Variants in DLGAP2 observed in about 807,000 individuals in gnomAD.
DLGAP2 encodes disks large-associated protein 2.
DLGAP2 carries 26 observed loss-of-function variants against 100.3 expected under a neutral mutation model. That is an observed-to-expected ratio of 0.26 (90% CI 0.19 to 0.36). DLGAP2 has a LOEUF of 0.36. Among genes scored for constraint, DLGAP2 ranks in the 10% least tolerant of loss-of-function variants. The pLI, the probability that DLGAP2 is intolerant of heterozygous loss-of-function variation, is 1.00. For synonymous variants in DLGAP2, 886 were observed against 630.1 expected, an observed-to-expected ratio of 1.41 and a Z score of -6.08; for missense variants, 1,858 against 1,453.2, an observed-to-expected ratio of 1.28 and a Z score of -4.53.
intron 1 of DLGAP2, among the ~76,000 whole-genome samples, chr8:771,630 C>T (rs1301089890): frequency 3.9e-5 from 6 of 152,214 alleles, no homozygotes; most frequent in African/African-American, 1.2e-4. Flanking sequence ...GTAATGGTCA[C>T]GAGAGTGGCA....
At position 1,417,695 on chromosome 8, in the gene DLGAP2, C is replaced by G. The variant is rs1473583212; in HGVS notation, c.107-83671C>G. 8.3e-5 allele frequency among the ~76,000 whole-genome samples: 12 copies of G among 144,596 alleles called. 2 individuals carry two copies. Among genetic ancestry groups the G allele is most frequent in the African/African-American group, 1.1e-4 (4 of 37,456 alleles). The allele number at this position is 144,596 out of a possible 152,430, so 94.9% of individuals were successfully genotyped here. On this transcript the variant is annotated intron_variant, in intron 3 of 14. Coordinates refer to ENST00000637795, the MANE Select transcript of DLGAP2 (RefSeq NM_001346810.2). ...CGAGGCTCCAGGGGGGCACAGGGGG[C>G]CCCACTCCTGCCTCACTCGGCGAGG...
intron 3 of DLGAP2, among the ~76,000 whole-genome samples, chr8:1,382,300 T>G (rs1023046059): frequency 3.9e-5 from 6 of 152,258 alleles, no homozygotes; most frequent in African/African-American, 1.4e-4. Context: ...CGTCTTCACG[T>G]TGAGTGGGCT....
At position 1,583,291 on chromosome 8, in the gene DLGAP2, C is replaced by T. The variant is rs548338037; in HGVS notation, c.1442+17397C>T. ...GTGATCAAGTGAGTAACCAAGAGAA[C>T]ACCAGCTATTGATGGACGCATCTGA... On this transcript the variant is annotated intron_variant, in intron 6 of 14. Coordinates refer to ENST00000637795, the MANE Select transcript of DLGAP2 (RefSeq NM_001346810.2). 2.0e-5 allele frequency among the ~76,000 whole-genome samples: 3 copies of T among 152,296 alleles called. No individual in the cohort carries two copies. In the East Asian group the frequency reaches 5.8e-4, roughly 29 times the overall value.
chr8:1,113,912 A>G (rs1033493250), intron 2 of DLGAP2, among the ~76,000 whole-genome samples: 9 of 152,176 alleles, frequency 5.9e-5, no homozygotes, highest in East Asian at 5.8e-4. Flanking sequence ...ATGAAGAGGT[A>G]TTGGATTTTA....
chr8:1,088,709 C>T (rs1451740708), intron 2 of DLGAP2, among the ~76,000 whole-genome samples: 1 of 149,914 alleles, frequency 6.7e-6, no homozygotes, highest in Non-Finnish European at 1.5e-5. Flanking sequence ...CTCTCCACCC[C>T]TCATCCAGCA....
chr8:1,355,163 C>A (rs187631230), intron 3 of DLGAP2, among the ~76,000 whole-genome samples: 2 of 152,214 alleles, frequency 1.3e-5, no homozygotes, highest in Non-Finnish European at 2.9e-5. Flanking sequence ...CAGAAAGCAC[C>A]GTGAAAGCGG....
chr8:1,068,554 G>T (rs1445450923), intron 2 of DLGAP2, among the ~76,000 whole-genome samples: 2 of 152,196 alleles, frequency 1.3e-5, no homozygotes, highest in Non-Finnish European at 2.9e-5. Context: ...GTGGCTAGCA[G>T]TGGCTCTATC....
intron 6 of DLGAP2, among the ~76,000 whole-genome samples, chr8:1,579,901 G>T (rs556782352): frequency 6.6e-6 from 1 of 152,330 alleles, no homozygotes; most frequent in South Asian, 2.1e-4. Flanking sequence ...GCAAAAGGCT[G>T]CTCTGGAGGA....
At position 912,902 on chromosome 8, in the gene DLGAP2, T is replaced by TGGAGCTGGATCCCCGCACCAC. The variant is rs1311789058; in HGVS notation, c.73+4938_73+4939insAGCTGGATCCCCGCACCACGG. On this transcript the variant is annotated intron_variant, in intron 2 of 14. Coordinates refer to ENST00000637795, the MANE Select transcript of DLGAP2 (RefSeq NM_001346810.2). ...TCTGTGGAGCTGGATCCCCGCACTG[T>TGGAGCTGGATCCCCGCACCAC]GGTGCCCGCCTTCCTCTCTGTGTAA... Among the ~76,000 whole-genome samples, 47 of 152,174 alleles carry TGGAGCTGGATCCCCGCACCAC rather than the reference T, an allele frequency of 3.1e-4. 1 individual carries two copies. The highest frequency in any genetic ancestry group is 1.0e-3 in the African/African-American group (43 of 41,508).
chr8:1,477,109 C>T (rs1316433929), intron 3 of DLGAP2, among the ~76,000 whole-genome samples: 8 of 144,994 alleles, frequency 5.5e-5, no homozygotes, highest in Non-Finnish European at 1.2e-4. Flanking sequence ...GCACACATAG[C>T]CTTTTATCTC....
chr8:759,247 C>T (rs1821011161), intron 1 of DLGAP2, among the ~76,000 whole-genome samples: 1 of 147,946 alleles, frequency 6.8e-6, no homozygotes, highest in South Asian at 2.2e-4. Flanking sequence ...CCCGCAACAG[C>T]CTCCCTGTTG....
intron 3 of DLGAP2, among the ~76,000 whole-genome samples, chr8:1,440,217 C>G (rs1323982608): frequency 1.3e-5 from 2 of 152,150 alleles, no homozygotes. Flanking sequence ...AGACATAGCC[C>G]TAAATTGTGG....
At chr8:1,628,782 G>C (rs922387517) in intron 7 of DLGAP2, among the ~76,000 whole-genome samples, 4 of 145,578 alleles carry the variant, frequency 2.7e-5, no homozygotes, top group Non-Finnish European at 6.0e-5. Context: ...TTAAGAGCCT[G>C]AGCGCAGGGA....
At chr8:1,373,068 G>A (rs1024758421) in intron 3 of DLGAP2, among the ~76,000 whole-genome samples, 15 of 152,224 alleles carry the variant, frequency 9.9e-5, no homozygotes, top group Non-Finnish European at 2.9e-5. Context: ...TCTGGAGTGC[G>A]GAGGCTTCGC....
chr8:772,911 G>T (rs955853490), intron 1 of DLGAP2, among the ~76,000 whole-genome samples: 6 of 152,202 alleles, frequency 3.9e-5, no homozygotes, highest in African/African-American at 1.4e-4. Context: ...TGGTGTTAGA[G>T]CTAGAGTACA....
intron 2 of DLGAP2, among the ~76,000 whole-genome samples, chr8:1,109,082 C>T (rs1804872420): frequency 9.4e-6 from 1 of 106,052 alleles, no homozygotes; most frequent in Non-Finnish European, 2.0e-5. Flanking sequence ...GTGAGGTGTG[C>T]ACGGGTCTGT....
At chr8:1,197,256 C>T (rs1382084069) in intron 2 of DLGAP2, among the ~76,000 whole-genome samples, 4 of 152,218 alleles carry the variant, frequency 2.6e-5, no homozygotes, top group African/African-American at 4.8e-5. Flanking sequence ...CAGACACACC[C>T]GGAAGTCATG....
At chr8:906,846 A>G (rs1319047618) in intron 1 of DLGAP2, among the ~76,000 whole-genome samples, 1 of 152,118 alleles carries the variant, frequency 6.6e-6, no homozygotes, top group African/African-American at 2.4e-5. Flanking sequence ...TTATTGTTTT[A>G]TTTTCTGTCT....
intron 3 of DLGAP2, among the ~76,000 whole-genome samples, chr8:1,357,680 A>G (rs889880136): frequency 3.3e-5 from 5 of 152,176 alleles, no homozygotes; most frequent in East Asian, 3.9e-4. Flanking sequence ...ACGGATTTTA[A>G]GTCTCATAAC....
Sources: gnomAD v4.1 joint callset for allele counts (sites outside exome capture counted in the v4.1 genomes callset) on GRCh38, gnomAD v4.1.1 for gene constraint, MANE v1.5 for transcripts, NCBI Gene and HGNC (gene_info 2026-07-23, HGNC 2026-07-21) for gene names.